MTAP: variants seen among roughly 807,000 people sequenced by gnomAD.
The protein encoded by MTAP is methylthioadenosine phosphorylase, also known as S-methyl-5'-thioadenosine phosphorylase.
Under a neutral mutation model 33.6 loss-of-function variants are expected in MTAP, and 33 were observed. The ratio of observed to expected loss-of-function variants is 0.98; its 90% CI spans 0.74 to 1.31. MTAP has a LOEUF of 1.31. Ranked by LOEUF, MTAP falls within the 40% of genes most tolerant of loss-of-function variation. MTAP has a pLI of 0.00. For missense variants in MTAP, 367 were observed against 360.0 expected, an observed-to-expected ratio of 1.02 and a Z score of -0.16; for synonymous variants, 148 against 125.7, an observed-to-expected ratio of 1.18 and a Z score of -1.19.
downstream of MTAP, among the ~76,000 whole-genome samples, chr9:21,869,943 C>T (rs1244668303): frequency 1.3e-5 from 2 of 152,176 alleles, no homozygotes. Context: ...TGCACTTGCC[C>T]TCCTATCTCT....
At chr9:21,850,373 AT>A (rs1825482253) in intron 5 of MTAP, among the ~76,000 whole-genome samples, 1 of 152,196 alleles carries the variant, frequency 6.6e-6, no homozygotes, top group Admixed American at 6.5e-5. Context: ...GAGGCAACAC[AT>A]TCTTCATTTG....
chr9:21,904,619 A>G (rs935815161), intron 1 of MTAP, among the ~76,000 whole-genome samples: 1 of 152,234 alleles, frequency 6.6e-6, no homozygotes, highest in Non-Finnish European at 1.5e-5. Context: ...ACTCACTAAA[A>G]AGAAAAATAT....
chr9:21,847,168 A>G (rs541023994), intron 5 of MTAP, among the ~76,000 whole-genome samples: 3 of 152,312 alleles, frequency 2.0e-5, no homozygotes, highest in Non-Finnish European at 2.9e-5. Flanking sequence ...TCAGACTGCA[A>G]GTTCTTCATT....
chr9:21,832,156 G>T (rs754997864), intron 4 of MTAP, among the ~76,000 whole-genome samples: 16 of 152,080 alleles, frequency 1.1e-4, no homozygotes, highest in African/African-American at 3.9e-4. Context: ...CTTTTGTCAC[G>T]CATTCTTACT....
In MTAP at chr9:21,840,532, G is replaced by C. The variant is rs114950900; in HGVS notation, c.450+2522G>C. Among the ~76,000 whole-genome samples the C allele has an allele frequency of 6.6e-3, 1,002 of 152,294 alleles. 10 individuals carry two copies. The highest frequency in any genetic ancestry group is 0.023 in the African/African-American group (952 of 41,552). ...TTTAACCTTACCTAGAGGTGAAACG[G>C]ATTTAGGGGGTTATGTGAAATATGA... On this transcript the variant is annotated intron_variant, in intron 5 of 7. Coordinates refer to ENST00000644715, the MANE Select transcript of MTAP (RefSeq NM_002451.4).
At chr9:21,887,175 TATGTATAC>T (rs1818125530) in intron 1 of MTAP, among the ~76,000 whole-genome samples, 1 of 152,184 alleles carries the variant, frequency 6.6e-6, no homozygotes, top group Non-Finnish European at 1.5e-5. Flanking sequence ...GTTTGTTACA[TATGTATAC>T]ATGTGCCATG....
At chr9:21,819,262 G>A (rs1824567620) in intron 4 of MTAP, among the ~76,000 whole-genome samples, 1 of 151,822 alleles carries the variant, frequency 6.6e-6, no homozygotes, top group South Asian at 2.1e-4. Context: ...TTTACATTGG[G>A]TATATCTCCT....
chr9:21,928,362 C>G (rs1818900893), intron 1 of MTAP, among the ~76,000 whole-genome samples: 1 of 152,252 alleles, frequency 6.6e-6, no homozygotes, highest in African/African-American at 2.4e-5. Context: ...TGGGGAAGCC[C>G]CCTCCATAAT....
At chr9:21,810,329 G>T (rs1002848708) in intron 1 of MTAP, among the ~76,000 whole-genome samples, 3 of 152,128 alleles carry the variant, frequency 2.0e-5, no homozygotes, top group African/African-American at 7.2e-5. Flanking sequence ...TCTGTTTTCT[G>T]TTGCTATAAC....
At chr9:21,936,139 C>T (rs1819038973), downstream of MTAP, 1 of 152,194 alleles carries the variant, frequency 6.6e-6, no homozygotes, top group Non-Finnish European at 1.5e-5. Flanking sequence ...TGAGTTTGTC[C>T]ACTCAGGCAG....
Position 21,830,554 on chromosome 9 carries a change from A to G in MTAP, c.348-7354A>G, listed in dbSNP as rs115744484. ...TAAACAGTCAGTTTGAACTGGGGAA[A>G]GTATTTGACCTTTAGTCTGTCCTAA... On this transcript the variant is annotated intron_variant, in intron 4 of 7. Transcript: ENST00000644715. 7.5e-3 allele frequency among the ~76,000 whole-genome samples: 1,147 copies of G among 152,316 alleles called. 12 individuals are homozygous for G. The highest frequency in any genetic ancestry group is 0.025 in the African/African-American group (1,039 of 41,566).
At chr9:21,940,285 G>C (rs988291400), downstream of MTAP, among the ~76,000 whole-genome samples, 2 of 152,184 alleles carry the variant, frequency 1.3e-5, no homozygotes, top group Non-Finnish European at 2.9e-5. Context: ...CTTTGAAAAA[G>C]CTTATGTAAT....
chr9:21,824,508 C>T (rs1043388901), intron 4 of MTAP, among the ~76,000 whole-genome samples: 13 of 152,170 alleles, frequency 8.5e-5, no homozygotes, highest in African/African-American at 1.2e-4. Flanking sequence ...GTCAGTCTGC[C>T]CTACTGGGGG....
chr9:21,868,180 T>C (rs2118626826), downstream of MTAP, among the ~76,000 whole-genome samples: 1 of 152,296 alleles, frequency 6.6e-6, no homozygotes, highest in Non-Finnish European at 1.5e-5. Flanking sequence ...CAGGCAACTG[T>C]TCCTTTAATT....
At chr9:21,878,512 G>C (rs1374496455) in intron 1 of MTAP, among the ~76,000 whole-genome samples, 1 of 151,892 alleles carries the variant, frequency 6.6e-6, no homozygotes, top group Non-Finnish European at 1.5e-5. Context: ...TAGAGACCAG[G>C]TTATGAGACT....
At chr9:21,871,699 T>C (rs1825940176), downstream of MTAP, among the ~76,000 whole-genome samples, 1 of 152,178 alleles carries the variant, frequency 6.6e-6, no homozygotes, top group African/African-American at 2.4e-5. Context: ...CTCAAATCCC[T>C]TCTTCCCAGG....
intron 1 of MTAP, among the ~76,000 whole-genome samples, chr9:21,917,919 A>G (rs2131027764): frequency 6.6e-6 from 1 of 152,354 alleles, no homozygotes; most frequent in Admixed American, 6.5e-5. Context: ...ATAAAAAGGA[A>G]CAATAATAAT....
At chr9:21,831,294 A>G (rs1824960191) in intron 4 of MTAP, among the ~76,000 whole-genome samples, 1 of 152,106 alleles carries the variant, frequency 6.6e-6, no homozygotes, top group African/African-American at 2.4e-5. Flanking sequence ...ATCTAAGAAA[A>G]ACAACTAGAT....
chr9:21,821,163 T>C (rs920111047), intron 4 of MTAP, among the ~76,000 whole-genome samples: 1 of 152,208 alleles, frequency 6.6e-6, no homozygotes, highest in African/African-American at 2.4e-5. Context: ...AGCACTGTGT[T>C]GAATAGGAGT....
Sources: allele counts gnomAD v4.1 joint callset (sites outside exome capture counted in the v4.1 genomes callset), GRCh38; gene constraint gnomAD v4.1.1; transcripts MANE v1.5; gene names NCBI Gene and HGNC (gene_info 2026-07-23, HGNC 2026-07-21).